Variants in GPR158 observed in about 807,000 individuals in gnomAD.
GPR158 encodes G protein-coupled receptor 158, also known as metabotropic glycine receptor.
In GPR158, 30 loss-of-function variants were observed where a neutral mutation model predicts 78.2. The observed-to-expected ratio is 0.38, with a 90% CI of 0.29 to 0.52. The LOEUF (loss-of-function observed/expected upper bound fraction) is 0.52. Ranked by LOEUF, GPR158 falls within the 20% of genes least tolerant of loss-of-function variation. The probability of loss-of-function intolerance (pLI) is 0.83; values close to 1 mark genes in which losing one functional copy is unlikely to be tolerated. For missense variants in GPR158, 1,463 were observed against 1,523.5 expected, an observed-to-expected ratio of 0.96 and a Z score of 0.66; for synonymous variants, 581 against 591.1, an observed-to-expected ratio of 0.98 and a Z score of 0.25.
chr10:25,395,163 C>A (rs1459668220), intron 2 of GPR158, among the ~76,000 whole-genome samples: 1 of 152,048 alleles, frequency 6.6e-6, no homozygotes, highest in Non-Finnish European at 1.5e-5. Flanking sequence ...AAAATTATAT[C>A]TTTTGCTTGC....
intron 5 of GPR158, among the ~76,000 whole-genome samples, chr10:25,468,684 C>T (rs890843992): frequency 4.6e-5 from 7 of 152,162 alleles, no homozygotes; most frequent in African/African-American, 1.4e-4. Context: ...ATAGTGGACG[C>T]TAGCATACCA....
intron 2 of GPR158, among the ~76,000 whole-genome samples, chr10:25,341,432 A>G (rs7893772): frequency 0.012 from 1,787 of 152,132 alleles, 45 homozygotes; most frequent in African/African-American, 0.04. Flanking sequence ...CCAAGGATGT[A>G]TATTGTACTC....
At chr10:25,327,095 T>A (rs1363541289) in intron 2 of GPR158, among the ~76,000 whole-genome samples, 1 of 152,324 alleles carries the variant, frequency 6.6e-6, no homozygotes, top group African/African-American at 2.4e-5. Context: ...TCTACAATTC[T>A]TAATTGTCAA....
intron 4 of GPR158, among the ~76,000 whole-genome samples, chr10:25,451,715 G>A (rs373513589): frequency 7.9e-5 from 12 of 152,002 alleles, no homozygotes; most frequent in Admixed American, 1.3e-4. Flanking sequence ...ATTATAAAGC[G>A]CGTACCTACT....
intron 2 of GPR158, among the ~76,000 whole-genome samples, chr10:25,384,250 C>T (rs1330044201): frequency 6.6e-6 from 1 of 151,610 alleles, no homozygotes; most frequent in Non-Finnish European, 1.5e-5. Flanking sequence ...TTTGAGCTGC[C>T]AGCTCAAAAT....
At chr10:25,449,065 A>T (rs1032723085) in intron 4 of GPR158, among the ~76,000 whole-genome samples, 4 of 152,200 alleles carry the variant, frequency 2.6e-5, no homozygotes, top group Non-Finnish European at 5.9e-5. Flanking sequence ...TTATGACATC[A>T]TATTATTACA....
intron 5 of GPR158, among the ~76,000 whole-genome samples, chr10:25,515,417 G>A (rs1257429164): frequency 6.8e-6 from 1 of 147,294 alleles, no homozygotes; most frequent in African/African-American, 2.5e-5. Context: ...TGTGCACATT[G>A]TGCAGGTTAG....
chr10:25,458,048 A>AT (rs1208118315), intron 4 of GPR158, among the ~76,000 whole-genome samples: 1 of 152,190 alleles, frequency 6.6e-6, no homozygotes, highest in Non-Finnish European at 1.5e-5. Flanking sequence ...AAAATCATTA[A>AT]TTTTTTATTT....
At position 25,353,653 on chromosome 10, in the gene GPR158, A is replaced by G. The variant is rs546658447; in HGVS notation, c.1009-42258A>G. ...AATTTTCCTCTGCAGAGCGGCTAAA[A>G]AATGTTAAAACAGTGATTTACCAGT... On this transcript the variant is annotated intron_variant, in intron 2 of 10. Coordinates refer to ENST00000376351, the MANE Select transcript of GPR158 (RefSeq NM_020752.3). 4.6e-5 allele frequency among the ~76,000 whole-genome samples: 7 copies of G among 152,182 alleles called. No individual in the cohort carries two copies. In the South Asian group the frequency reaches 1.2e-3, roughly 27 times the overall value.
intron 5 of GPR158, among the ~76,000 whole-genome samples, chr10:25,495,065 A>T (rs1473225803): frequency 2.6e-5 from 4 of 151,878 alleles, no homozygotes; most frequent in African/African-American, 9.7e-5. Flanking sequence ...GTGGGGATTG[A>T]TTCACCGTAG....
chr10:25,478,480 G>T (rs1835618027), intron 5 of GPR158, among the ~76,000 whole-genome samples: 1 of 147,388 alleles, frequency 6.8e-6, no homozygotes, highest in South Asian at 2.2e-4. Context: ...AGAAATAGAT[G>T]AAATATATAA....
chr10:25,205,718 T>A (rs1853017367), intron 1 of GPR158, among the ~76,000 whole-genome samples: 1 of 152,186 alleles, frequency 6.6e-6, no homozygotes, highest in African/African-American at 2.4e-5. Flanking sequence ...GTTGTTTGCT[T>A]TCCATGTAAT....
chr10:25,397,790 A>G (rs1834382277), intron 3 of GPR158, among the ~76,000 whole-genome samples: 1 of 152,070 alleles, frequency 6.6e-6, no homozygotes, highest in Non-Finnish European at 1.5e-5. Flanking sequence ...TCATCTATGA[A>G]TTTGCTGGGA....
chr10:25,373,796 C>T (rs1161842055), intron 2 of GPR158, among the ~76,000 whole-genome samples: 1 of 151,828 alleles, frequency 6.6e-6, no homozygotes, highest in Non-Finnish European at 1.5e-5. Flanking sequence ...GGAACATACT[C>T]TCTATTGTTT....
chr10:25,504,742 A>G (rs1835988706), intron 5 of GPR158, among the ~76,000 whole-genome samples: 1 of 152,156 alleles, frequency 6.6e-6, no homozygotes. Context: ...ATCACAGCTG[A>G]ATACTCTTAA....
chr10:25,458,703 C>T (rs932840045), intron 4 of GPR158, among the ~76,000 whole-genome samples: 5 of 152,188 alleles, frequency 3.3e-5, no homozygotes, highest in Non-Finnish European at 7.3e-5. Context: ...GGTTGAACAA[C>T]TTGCCCAAGA....
At chr10:25,553,924 T>C (rs1836756480) in intron 6 of GPR158, among the ~76,000 whole-genome samples, 4 of 152,204 alleles carry the variant, frequency 2.6e-5, no homozygotes, top group Admixed American at 2.0e-4. Context: ...ATGGTAAAGT[T>C]GTAGGGACTA....
chr10:25,240,621 A>G (rs1853590863), intron 2 of GPR158, among the ~76,000 whole-genome samples: 1 of 150,996 alleles, frequency 6.6e-6, no homozygotes, highest in Non-Finnish European at 1.5e-5. Context: ...TCCTAAGTAC[A>G]TTGTCTGCTG....
intron 2 of GPR158, among the ~76,000 whole-genome samples, chr10:25,297,182 A>G (rs1352803500): frequency 6.6e-6 from 1 of 152,194 alleles, no homozygotes; most frequent in African/African-American, 2.4e-5. Flanking sequence ...GAGTTCAAAG[A>G]TATAAATTCT....
Sources: gnomAD v4.1 joint callset for allele counts (sites outside exome capture counted in the v4.1 genomes callset) on GRCh38, gnomAD v4.1.1 for gene constraint, MANE v1.5 for transcripts, NCBI Gene and HGNC (gene_info 2026-07-23, HGNC 2026-07-21) for gene names.